LRRC2: variants seen among roughly 807,000 people sequenced by gnomAD.
The protein encoded by LRRC2 is leucine rich repeat containing 2, also known as leucine-rich repeat-containing protein 2.
LRRC2 carries 27 observed loss-of-function variants against 40.2 expected under a neutral mutation model. The observed-to-expected ratio is 0.67, with a 90% confidence interval of 0.49 to 0.93. The LOEUF (loss-of-function observed/expected upper bound fraction) is 0.93. LRRC2 is among the 40% of genes least tolerant of loss of function. The pLI is 0.00. For synonymous variants in LRRC2, 147 were observed against 158.9 expected (o/e 0.92, Z 0.56); for missense variants, 402 against 439.6 (o/e 0.91, Z 0.76).
At chr3:46,553,255 A>G (rs1175790808) in intron 1 of LRRC2, among the ~76,000 whole-genome samples, 1 of 151,680 alleles carries the variant, frequency 6.6e-6, no homozygotes. Flanking sequence ...TATGTCCCTT[A>G]TCTAAGTAAA....
rs577429563 is a variant in LRRC2, at chr3:46,563,731, G to A, written c.-20+2446C>T. On this transcript the variant is annotated intron_variant, in intron 1 of 8. Coordinates refer to ENST00000395905, the MANE Select transcript of LRRC2 (RefSeq NM_024512.5). ...TAGACGAGCCACAGTTTACTGACAG[G>A]AGCAGCCACTTGGGAGTCCCCAGAC... is the stretch of plus-strand genomic sequence containing the variant. 7.5e-4 allele frequency among the ~76,000 whole-genome samples: 114 copies of A among 152,328 alleles called. 1 individual carries two copies. Among genetic ancestry groups the A allele is most frequent in the Middle Eastern group, 3.4e-3 (1 of 294 alleles).
intron 7 of LRRC2, among the ~76,000 whole-genome samples, chr3:46,526,380 C>T (rs1704060538): frequency 6.6e-6 from 1 of 152,150 alleles, no homozygotes; most frequent in Admixed American, 6.5e-5. Flanking sequence ...AGCTGCCAAG[C>T]CTGCTTCCAG....
Position 46,529,756 on chromosome 3 carries a change from T to C in LRRC2, c.773+149A>G, listed in dbSNP as rs2106991371. On this transcript the variant is annotated intron_variant, in intron 6 of 8. Transcript: ENST00000395905. ...CTGGAAATTGTCTTATTCTATAATTTCCTCGGAAACTGATTTCCTGGAAAG... is the reference window on the plus strand; with the variant it reads ...CTGGAAATTGTCTTATTCTATAATTCCCTCGGAAACTGATTTCCTGGAAAG... 3.7e-6 allele frequency: 3 copies of C among 807,076 alleles called. No homozygotes were observed. In the South Asian group the frequency reaches 5.8e-5, roughly 16 times the overall value. 50.0% of individuals were successfully genotyped at this position (807,076 alleles called of 1,614,324 possible).
chr3:46,560,525 A>G (rs1317132268), intron 1 of LRRC2, among the ~76,000 whole-genome samples: 1 of 152,244 alleles, frequency 6.6e-6, no homozygotes, highest in Non-Finnish European at 1.5e-5. Context: ...GATCCAGTCA[A>G]GAGACCCTCA....
rs1703861945 is a variant in LRRC2 at position 46,516,270 on chromosome 3, T to C, written c.*2744A>G. 1 of 152,158 alleles carries C rather than the reference T, an allele frequency of 6.6e-6. No individual in the cohort carries two copies. Among genetic ancestry groups the C allele is most frequent in the Non-Finnish European group, 1.5e-5 (1 of 68,086 alleles). 9.4% of individuals were successfully genotyped at this position (152,158 alleles called of 1,614,324 possible). A position where few individuals can be genotyped will look rare whatever the true frequency, so the allele number is the denominator to read the frequency against. On this transcript the variant is annotated 3_prime_UTR_variant, in exon 9 of 9. Coordinates refer to ENST00000395905, the MANE Select transcript of LRRC2 (RefSeq NM_024512.5). ...CGCGCCCGGCCCTCTTGTCTTCTCT[T>C]AGCCTACTTCTCAGAGTTTGTTTCT...
At chr3:46,528,507 T>A (rs561153421) in intron 6 of LRRC2, among the ~76,000 whole-genome samples, 1 of 152,348 alleles carries the variant, frequency 6.6e-6, no homozygotes, top group East Asian at 1.9e-4. Flanking sequence ...GGAAGGCAAC[T>A]GCGGAGTGAA....
intron 7 of LRRC2, among the ~76,000 whole-genome samples, chr3:46,524,668 T>C (rs1450366131): frequency 1.3e-5 from 2 of 152,224 alleles, no homozygotes; most frequent in Non-Finnish European, 2.9e-5. Flanking sequence ...TAGGCTGTTA[T>C]AAAGGATAAG....
chr3:46,522,561 A>C (rs1323760806), intron 7 of LRRC2, among the ~76,000 whole-genome samples: 1 of 151,674 alleles, frequency 6.6e-6, no homozygotes, highest in Non-Finnish European at 1.5e-5. Context: ...GAAATATAAA[A>C]GATTAGCTGA....
chr3:46,536,207 C>T (rs1704266957), intron 4 of LRRC2, among the ~76,000 whole-genome samples: 1 of 152,216 alleles, frequency 6.6e-6, no homozygotes, highest in Non-Finnish European at 1.5e-5. Context: ...ACCCAGGAAA[C>T]TTAGCGCTTA....
In LRRC2 at chr3:46,532,636, C is replaced by T. The variant is rs1332730648; in HGVS notation, c.627+137G>A. 14 of 968,274 alleles carry T rather than the reference C, an allele frequency of 1.4e-5. No individual in the cohort carries two copies. In the African/African-American group the frequency reaches 2.0e-4, roughly 14 times the overall value. 60.0% of individuals were successfully genotyped at this position (968,274 alleles called of 1,614,324 possible). On this transcript the variant is annotated intron_variant, in intron 5 of 8. Coordinates refer to ENST00000395905, the MANE Select transcript of LRRC2 (RefSeq NM_024512.5). ...AAAGAAGTTTTTAAAGACCAGTATA[C>T]GGTGATTGAAATGTCAGGAAAAGGT... is the stretch of plus-strand genomic sequence containing the variant.
intron 3 of LRRC2, among the ~76,000 whole-genome samples, chr3:46,540,393 C>T (rs766289946): frequency 8.4e-4 from 127 of 152,076 alleles, no homozygotes; most frequent in Admixed American, 1.2e-3. Flanking sequence ...GGTGTGGTGG[C>T]GTGCACTTGT....
At chr3:46,529,882 C>T in intron 6 of LRRC2, 23 bp downstream of exon 6, 3 of 1,613,572 alleles carry the variant, frequency 1.9e-6, no homozygotes, top group Non-Finnish European at 2.5e-6. Flanking sequence ...ACATACACCT[C>T]ACCTTAGAAT....
rs146766759 is a variant in LRRC2 at position 46,521,584 on chromosome 3, C to T, written c.1004G>A (p.Arg335Gln). 6.2e-7 allele frequency: 1 copy of T among 1,612,940 alleles called. No individual in the cohort carries two copies. Residue 335 changes from arginine (R) to glutamine (Q), a missense_variant, in exon 8 of 9, where the codon CGG (arginine) becomes CAG (glutamine). Arg to Gln is a conservative substitution (Grantham distance 43). Coordinates refer to ENST00000395905, the MANE Select transcript of LRRC2 (RefSeq NM_024512.5). Reference sequence around the variant, plus strand: ...TTCTTTATCAAAATGTTGGCGATCCCGTTCACTTTCCATTATTTCATTGCC... The same window carrying T: ...TTCTTTATCAAAATGTTGGCGATCCTGTTCACTTTCCATTATTTCATTGCC... ...EDGNEIMESE[R>Q]DRQHFDKEVM...
At chr3:46,535,966 G>T (rs1704261955) in intron 4 of LRRC2, among the ~76,000 whole-genome samples, 1 of 152,134 alleles carries the variant, frequency 6.6e-6, no homozygotes, top group African/African-American at 2.4e-5. Flanking sequence ...ACGAGTAAAT[G>T]ACTTGCTCAA....
chr3:46,546,390 A>G (rs1314551914), intron 2 of LRRC2, among the ~76,000 whole-genome samples: 5 of 152,216 alleles, frequency 3.3e-5, no homozygotes, highest in Admixed American at 3.3e-4. Context: ...CACCTGGGAC[A>G]AGACCAGCTT....
chr3:46,552,267 G>T (rs1488847083), intron 1 of LRRC2, among the ~76,000 whole-genome samples: 1 of 151,700 alleles, frequency 6.6e-6, no homozygotes, highest in Non-Finnish European at 1.5e-5. Flanking sequence ...TAAGTTAGAT[G>T]AATTAATCAC....
At chr3:46,542,310 C>T (rs1323319791) in intron 3 of LRRC2, among the ~76,000 whole-genome samples, 9 of 149,350 alleles carry the variant, frequency 6.0e-5, no homozygotes, top group South Asian at 2.2e-4. Context: ...CCAGCCCAGA[C>T]CACAAAGTGA....
At chr3:46,563,266 G>A (rs1321110177) in intron 1 of LRRC2, among the ~76,000 whole-genome samples, 1 of 152,124 alleles carries the variant, frequency 6.6e-6, no homozygotes, top group Non-Finnish European at 1.5e-5. Context: ...AATAGTGAGA[G>A]TCACTTTCCA....
chr3:46,531,707 A>G (rs1704163821), intron 5 of LRRC2, among the ~76,000 whole-genome samples: 1 of 152,128 alleles, frequency 6.6e-6, no homozygotes, highest in Non-Finnish European at 1.5e-5. Flanking sequence ...GTGCACCCTC[A>G]CCAGGACCCC....
Sources: allele counts gnomAD v4.1 joint callset (sites outside exome capture counted in the v4.1 genomes callset), GRCh38; gene constraint gnomAD v4.1.1; transcripts MANE v1.5; gene names NCBI Gene and HGNC (gene_info 2026-07-23, HGNC 2026-07-21).